The following BNIP2 variants were observed in gnomAD, a reference collection of about 807,000 sequenced individuals.
BNIP2 encodes the protein BCL2/adenovirus E1B 19 kDa protein-interacting protein 2.
Under a neutral mutation model 43.4 loss-of-function variants are expected in BNIP2, and 36 were observed. That is an observed-to-expected ratio of 0.83 (90% CI 0.64 to 1.10). The LOEUF (loss-of-function observed/expected upper bound fraction) is 1.10. Among genes scored for constraint, BNIP2 ranks in the 50% least tolerant of loss-of-function variants. The pLI is 0.00. For missense variants in BNIP2, 417 were observed against 374.1 expected (o/e 1.11, Z -0.95); for synonymous variants, 146 against 121.0 (o/e 1.21, Z -1.35).
intron 1 of BNIP2, 101 bp downstream of exon 1, chr15:59,689,034 C>T (rs1238062168): frequency 2.7e-5 from 40 of 1,456,022 alleles, no homozygotes; most frequent in Non-Finnish European, 3.2e-5. Context: ...GTTTCCTCTC[C>T]CCGGACGTCG....
chr15:59,674,384 T>C (rs2142001477), intron 5 of BNIP2, among the ~76,000 whole-genome samples: 1 of 152,242 alleles, frequency 6.6e-6, no homozygotes, highest in African/African-American at 2.4e-5. Flanking sequence ...GGTCTTATTT[T>C]CCCCTATAAA....
At chr15:59,683,345 A>C (rs116587074) in intron 1 of BNIP2, among the ~76,000 whole-genome samples, 334 of 152,370 alleles carry the variant, frequency 2.2e-3, no homozygotes, top group African/African-American at 7.7e-3. Flanking sequence ...AAACAGTGAA[A>C]ACTATAGAAG....
At position 59,672,699 on chromosome 15, in the gene BNIP2, A is replaced by T. The variant is rs139971944; in HGVS notation, c.513T>A (p.Ala171=). 7.4e-6 allele frequency: 12 copies of T among 1,613,820 alleles called. No homozygotes were observed. The African/African-American group carries it at 1.5e-4, about 20-fold the overall frequency. Residue 171 remains alanine, a synonymous_variant, in exon 6 of 10, where the codon GCT becomes GCA. Coordinates refer to ENST00000607373, the MANE Select transcript of BNIP2 (RefSeq NM_004330.4). ...GDGLNAIVVF[A]VCFMPESSQP... ...GACTACTTTCAGGCATGAAACAGAC[A>T]GCAAACACAACAATGGCATTTAATC...
At chr15:59,679,564 A>G in intron 4 of BNIP2, 28 bp downstream of exon 4, 2 of 1,597,464 alleles carry the variant, frequency 1.3e-6, no homozygotes, top group East Asian at 2.2e-5. Flanking sequence ...ATTAATAAAG[A>G]TCAGATTAAA....
chr15:59,660,804 A>C lies in BNIP2; in HGVS notation c.*3265T>G, dbSNP rs1420636248. ...ATATGAAAAAACAAAAAAACCAACC[A>C]AAAACCCTCAATCCTAAACTTTTAA... is the stretch of plus-strand genomic sequence containing the variant. On this transcript the variant is annotated 3_prime_UTR_variant, in exon 10 of 10. Transcript: ENST00000607373. The C allele has an allele frequency of 2.0e-5, 3 of 152,208 alleles. No homozygotes were observed. The highest frequency in any genetic ancestry group is 4.1e-4 in the South Asian group (2 of 4,832). The allele number at this position is 152,208 out of a possible 1,614,324, so 9.4% of individuals were successfully genotyped here. A position where few individuals can be genotyped will look rare whatever the true frequency, so the allele number is the denominator to read the frequency against.
At position 59,664,082 on chromosome 15, in the gene BNIP2, T is replaced by A. The variant is rs748990101; in HGVS notation, c.932A>T (p.Lys311Ile). The A allele has an allele frequency of 6.5e-6, 10 of 1,550,374 alleles. No individual in the cohort carries two copies. In the South Asian group the frequency reaches 1.2e-4, roughly 19 times the overall value. The change falls in exon 10 of 10, where the codon AAA (lysine) becomes ATA (isoleucine). Residue 311 changes from lysine to isoleucine, a missense_variant. Coordinates refer to ENST00000607373, the MANE Select transcript of BNIP2 (RefSeq NM_004330.4). ...QELNGKQDEPKNEQ is the reference protein window; with the variant it reads ...QELNGKQDEPINEQ ...TAGATGCCAAACTTACTGTTCATTT[T>A]TCGGTTCATCTTGTTTTCCATTAAG... is the stretch of plus-strand genomic sequence containing the variant.
intron 9 of BNIP2, among the ~76,000 whole-genome samples, chr15:59,666,427 G>A (rs183167143): frequency 1.3e-5 from 2 of 152,206 alleles, no homozygotes; most frequent in Non-Finnish European, 2.9e-5. Context: ...AGCACTTTGG[G>A]AGGCCGAGGT....
Position 59,669,215 on chromosome 15 carries a change from G to A in BNIP2, c.794+61C>T, listed in dbSNP as rs1313666195. ...CCATAAGTATGTATAGTTATTATGTGTTAACTAAAAATAAATAAATAAAAA... is the reference window on the plus strand; with the variant it reads ...CCATAAGTATGTATAGTTATTATGTATTAACTAAAAATAAATAAATAAAAA... On this transcript the variant is annotated intron_variant, in intron 8 of 9. Transcript: ENST00000607373. 3.3e-6 allele frequency: 4 copies of A among 1,215,450 alleles called. No individual in the cohort carries two copies. The African/African-American group carries it at 6.3e-5, about 19-fold the overall frequency. The allele number at this position is 1,215,450 out of a possible 1,614,324, so 75.3% of individuals were successfully genotyped here.
At position 59,679,701 on chromosome 15, in the gene BNIP2, C is replaced by T. The variant is rs778340736; in HGVS notation, c.186G>A (p.Leu62=). The T allele has an allele frequency of 5.6e-6, 9 of 1,604,426 alleles. No homozygotes were observed. The highest frequency in any genetic ancestry group is 1.3e-5 in the African/African-American group (1 of 74,132). Residue 62 remains leucine, a synonymous_variant, in exon 4 of 10, where the codon CTG becomes CTA. Coordinates refer to ENST00000607373, the MANE Select transcript of BNIP2 (RefSeq NM_004330.4). ...KLMAPDISLT[L]DPSDGSVLSD... ...ACAATACAGAGCCATCACTAGGATC[C>T]AGTGTCAGGCTAATGTCTGGAGCCA... is the stretch of plus-strand genomic sequence containing the variant.
chr15:59,676,757 ATGGAGGATGAG>A, intron 5 of BNIP2: 2 of 1,448,998 alleles, frequency 1.4e-6, no homozygotes, highest in South Asian at 2.5e-5. Flanking sequence ...TTGGGGTGTC[ATGGAGGATGAG>A]CGGAGCTTTT....
intron 5 of BNIP2, among the ~76,000 whole-genome samples, chr15:59,675,626 A>T (rs1472909408): frequency 4.6e-5 from 7 of 152,192 alleles, no homozygotes; most frequent in African/African-American, 7.2e-5. Flanking sequence ...CAAAACAAAA[A>T]GAGTCCAAGT....
At chr15:59,673,583 G>A (rs114903478) in intron 5 of BNIP2, among the ~76,000 whole-genome samples, 25 of 152,200 alleles carry the variant, frequency 1.6e-4, no homozygotes, top group African/African-American at 6.0e-4. Flanking sequence ...ACACAAACAT[G>A]CCTGGTTAAC....
chr15:59,688,786 G>C (rs1161433963), intron 1 of BNIP2: 17 of 1,534,138 alleles, frequency 1.1e-5, no homozygotes, highest in Non-Finnish European at 1.4e-5. Context: ...CATAAATACT[G>C]AACCATCGTA....
intron 5 of BNIP2, chr15:59,676,905 T>C: frequency 6.9e-6 from 11 of 1,603,076 alleles, no homozygotes; most frequent in Non-Finnish European, 9.4e-6. Flanking sequence ...ACGGTGTGGC[T>C]GGCAGCCTAC....
At chr15:59,683,483 T>TA (rs1356443117) in intron 1 of BNIP2, among the ~76,000 whole-genome samples, 1 of 152,190 alleles carries the variant, frequency 6.6e-6, no homozygotes, top group Non-Finnish European at 1.5e-5. Context: ...ATTTAAGAGA[T>TA]ACGGAGCATC....
At chr15:59,676,659 A>G (rs1341184465) in intron 5 of BNIP2, 35 of 594,740 alleles carry the variant, frequency 5.9e-5, no homozygotes, top group South Asian at 2.6e-4. Context: ...CAGAGTTTCT[A>G]AAAGTATTTA....
chr15:59,684,605 GGTAA>G (rs1893898882), intron 1 of BNIP2, among the ~76,000 whole-genome samples: 1 of 152,112 alleles, frequency 6.6e-6, no homozygotes, highest in Non-Finnish European at 1.5e-5. Context: ...GCTGAAAACT[GGTAA>G]GTCTTTTCTA....
intron 5 of BNIP2, among the ~76,000 whole-genome samples, chr15:59,674,118 A>G (rs1271491968): frequency 6.6e-6 from 1 of 151,924 alleles, no homozygotes; most frequent in Non-Finnish European, 1.5e-5. Context: ...AAAAACAAAA[A>G]AACAAACTAA....
At chr15:59,665,651 A>G (rs1892527872) in intron 9 of BNIP2, among the ~76,000 whole-genome samples, 1 of 152,164 alleles carries the variant, frequency 6.6e-6, no homozygotes, top group Non-Finnish European at 1.5e-5. Context: ...TTATTTATTT[A>G]GTGGTGGGTT....
Sources: gnomAD v4.1 joint callset for allele counts (sites outside exome capture counted in the v4.1 genomes callset) on GRCh38, gnomAD v4.1.1 for gene constraint, MANE v1.5 for transcripts, NCBI Gene and HGNC (gene_info 2026-07-23, HGNC 2026-07-21) for gene names.